Variants in PATJ observed in about 807,000 individuals in gnomAD.
The protein encoded by PATJ is inaD-like protein.
In PATJ, 190 loss-of-function variants were observed where a neutral mutation model predicts 224.9. That is an observed-to-expected ratio of 0.84 (90% CI 0.75 to 0.95). The LOEUF (loss-of-function observed/expected upper bound fraction) is 0.95. PATJ is among the 40% of genes least tolerant of loss of function. The pLI is 0.00. For synonymous variants in PATJ, 769 were observed against 820.3 expected (o/e 0.94, Z 1.07); for missense variants, 2,121 against 2,270.3 (o/e 0.93, Z 1.34).
At chr1:61,886,746 G>A (rs1668896772) in intron 22 of PATJ, among the ~76,000 whole-genome samples, 2 of 150,298 alleles carry the variant, frequency 1.3e-5, no homozygotes, top group Admixed American at 6.7e-5. Context: ...CTTGAACCTG[G>A]GAGGTGGAGG....
intron 31 of PATJ, among the ~76,000 whole-genome samples, chr1:62,079,084 A>G (rs1658817680): frequency 6.6e-6 from 1 of 152,082 alleles, no homozygotes. Flanking sequence ...AGTCACTTCA[A>G]AGTCCATAGA....
intron 31 of PATJ, among the ~76,000 whole-genome samples, chr1:62,058,792 A>C (rs1654952518): frequency 6.6e-6 from 1 of 152,192 alleles, no homozygotes; most frequent in Non-Finnish European, 1.5e-5. Flanking sequence ...AGGCATGTGA[A>C]GATAAGTAAG....
intron 24 of PATJ, among the ~76,000 whole-genome samples, chr1:61,903,849 T>G (rs1671523672): frequency 6.6e-6 from 1 of 151,398 alleles, no homozygotes; most frequent in African/African-American, 2.4e-5. Context: ...CTCAGCTCAC[T>G]GCAACCTCCA....
chr1:61,795,612 CATT>C, intron 10 of PATJ, 54 bp downstream of exon 10: 1 of 1,072,790 alleles, frequency 9.3e-7, no homozygotes, highest in Admixed American at 1.8e-5. Context: ...AAAGGTTGAT[CATT>C]ATTATAATAC....
intron 7 of PATJ, among the ~76,000 whole-genome samples, chr1:61,779,187 C>T (rs543900762): frequency 3.3e-5 from 5 of 152,094 alleles, no homozygotes; most frequent in South Asian, 2.1e-4. Flanking sequence ...ATAGGACATG[C>T]GTGTGATTAC....
rs567843521 is a variant in PATJ, at chr1:62,018,475, T to A, written c.3959+528T>A. Among the ~76,000 whole-genome samples, 2 of 152,340 alleles carry A rather than the reference T, an allele frequency of 1.3e-5. No individual in the cohort carries two copies. Among genetic ancestry groups the A allele is most frequent in the South Asian group, 4.1e-4 (2 of 4,828 alleles). On this transcript the variant is annotated intron_variant, in intron 29 of 43. Coordinates refer to ENST00000642238, the MANE Select transcript of PATJ (RefSeq NM_001350145.3). The surrounding 1 kb of genome is among the most constrained non-coding windows in gnomAD (Gnocchi z 4.2). ...TCCCTGCAAGCTGATTGAGCCCTCA[T>A]GGTACAAGTAAATCAGAATTAGGAA...
intron 17 of PATJ, among the ~76,000 whole-genome samples, chr1:61,842,934 G>C (rs1661354811): frequency 6.6e-6 from 1 of 152,156 alleles, no homozygotes; most frequent in Non-Finnish European, 1.5e-5. Flanking sequence ...CCTTCCTAGA[G>C]TGTGCCAGAG....
At chr1:61,843,988 G>A (rs1033306349) in intron 17 of PATJ, among the ~76,000 whole-genome samples, 2 of 152,136 alleles carry the variant, frequency 1.3e-5, no homozygotes, top group Non-Finnish European at 2.9e-5. Context: ...CTAGGCATTG[G>A]GGAGCTAGCA....
chr1:61,893,029 T>C (rs1231880925), intron 22 of PATJ, among the ~76,000 whole-genome samples: 2 of 152,244 alleles, frequency 1.3e-5, no homozygotes, highest in Admixed American at 1.3e-4. Flanking sequence ...TACATCTTAA[T>C]ATGTACAGTA....
At chr1:61,830,901 A>AATGT (rs1208339921) in intron 16 of PATJ, among the ~76,000 whole-genome samples, 2 of 152,118 alleles carry the variant, frequency 1.3e-5, no homozygotes, top group Admixed American at 6.5e-5. Context: ...TAAAGACTTA[A>AATGT]ATGTAGGCCG....
rs1185586313 is a variant in PATJ at position 61,827,463 on chromosome 1, A to C, written c.1860A>C (p.Ala620=). Reference sequence around the variant, plus strand: ...TTTATGGAAAATCTCGCCGAGAAGCAGTCTCCTTTCTTAAAGAAGTGCCAC... The same window carrying C: ...TTTATGGAAAATCTCGCCGAGAAGCCGTCTCCTTTCTTAAAGAAGTGCCAC... The part of the protein sequence containing the change: ...MQLYGKSRRE[A]VSFLKEVPPP... Residue 620 remains alanine, a synonymous_variant, in exon 16 of 44, where the codon GCA becomes GCC. Transcript: ENST00000642238. 6.2e-7 allele frequency: 1 copy of C among 1,614,062 alleles called. No individual in the cohort carries two copies. The highest frequency in any genetic ancestry group is 8.5e-7 in the Non-Finnish European group (1 of 1,179,988).
rs561820288 is a variant in PATJ at position 62,145,907 on chromosome 1, G to A, written c.5272-2377G>A. 8.0e-4 allele frequency among the ~76,000 whole-genome samples: 121 copies of A among 152,156 alleles called. 1 individual carries two copies. Among genetic ancestry groups the A allele is most frequent in the Middle Eastern group, 6.8e-3 (2 of 294 alleles). On this transcript the variant is annotated intron_variant, in intron 41 of 43. Coordinates refer to ENST00000642238, the MANE Select transcript of PATJ (RefSeq NM_001350145.3). ...CGGGAGGCAGAGGCTGCAGTGAGCC[G>A]AGATCGTGCCACTGCACTCCAGCCT...
intron 27 of PATJ, chr1:61,952,462 G>A: frequency 1.4e-6 from 1 of 716,976 alleles, no homozygotes; most frequent in Non-Finnish European, 2.6e-6. Flanking sequence ...AATGCAATCT[G>A]ATGCTGTTTT....
rs118040740 is a variant in PATJ at position 61,779,886 on chromosome 1, C to T, written c.849+4552C>T. ...GGAGAGCCAGTGTGTGCAGAGATCA[C>T]GTGGGCAGCGAGGAAGTGGTGGGTG... is the stretch of plus-strand genomic sequence containing the variant. On this transcript the variant is annotated intron_variant, in intron 7 of 43. Coordinates refer to ENST00000642238, the MANE Select transcript of PATJ (RefSeq NM_001350145.3). Among the ~76,000 whole-genome samples, 65 of 152,226 alleles carry T rather than the reference C, an allele frequency of 4.3e-4. 1 individual carries two copies. In the East Asian group the frequency reaches 0.011, roughly 26 times the overall value.
chr1:62,139,788 C>T (rs1667320100), intron 41 of PATJ, among the ~76,000 whole-genome samples: 1 of 149,744 alleles, frequency 6.7e-6, no homozygotes, highest in South Asian at 2.1e-4. Context: ...GAGACAGGGT[C>T]TCACTCTGTT....
rs1431349806 is a variant in PATJ, at chr1:61,856,064, T to C, written c.2147T>C (p.Ile716Thr). ...GATCCTACAAGATCAGTGATTGTGA[T>C]CCGCTCCCTGGTAGCAGATGGTGTA... ...PLDPTRSVIV[I>T]RSLVADGVAE... Residue 716 changes from isoleucine (I) to threonine (T), a missense_variant, in exon 18 of 44, where the codon ATC becomes ACC. Coordinates refer to ENST00000642238, the MANE Select transcript of PATJ (RefSeq NM_001350145.3). 6.2e-7 allele frequency: 1 copy of C among 1,614,020 alleles called. No homozygotes were observed. Among genetic ancestry groups the C allele is most frequent in the Non-Finnish European group, 8.5e-7 (1 of 1,180,014 alleles).
At chr1:62,019,268 T>G (rs1477141973) in intron 29 of PATJ, among the ~76,000 whole-genome samples, 4 of 144,654 alleles carry the variant, frequency 2.8e-5, no homozygotes, top group Admixed American at 7.0e-5. Context: ...AGGCCGGGCA[T>G]GGTGGCTCAC....
In PATJ at chr1:62,010,909, T is replaced by C. The variant is rs1646409075; in HGVS notation, c.3868-6947T>C. On this transcript the variant is annotated intron_variant, in intron 28 of 43. Coordinates refer to ENST00000642238, the MANE Select transcript of PATJ (RefSeq NM_001350145.3). The stretch of plus-strand genomic sequence containing the variant: ...ATAACTTTCTGAAGTTTCTACATCA[T>C]CACTTGCTGCTTCTCCTTGCATTTT... 2.0e-5 allele frequency among the ~76,000 whole-genome samples: 3 copies of C among 152,240 alleles called. 1 individual carries two copies. The highest frequency in any genetic ancestry group is 4.4e-5 in the Non-Finnish European group (3 of 68,050).
intron 43 of PATJ, among the ~76,000 whole-genome samples, chr1:62,159,320 T>G (rs1669613752): frequency 6.6e-6 from 1 of 152,012 alleles, no homozygotes. Context: ...GCCTCCCAAG[T>G]AGCTGGGATT....
Sources: allele counts gnomAD v4.1 joint callset (sites outside exome capture counted in the v4.1 genomes callset), GRCh38; gene constraint gnomAD v4.1.1; non-coding constraint Gnocchi (gnomAD v3.1); transcripts MANE v1.5; gene names NCBI Gene and HGNC (gene_info 2026-07-23, HGNC 2026-07-21).